CFAP57: variants seen among roughly 807,000 people sequenced by gnomAD.
CFAP57 encodes the protein cilia and flagella associated protein 57.
A neutral mutation model predicts 146.8 loss-of-function variants in CFAP57; 116 were observed. That is an observed-to-expected ratio of 0.79 (90% CI 0.68 to 0.92). The LOEUF (loss-of-function observed/expected upper bound fraction) is 0.92, where lower values mean the gene tolerates loss of function less well. CFAP57 is among the 40% of genes least tolerant of loss of function. CFAP57 has a pLI of 0.00. For missense variants in CFAP57, 1,377 were observed against 1,527.2 expected (o/e 0.90, Z 1.64); for synonymous variants, 518 against 552.8 (o/e 0.94, Z 0.88).
rs199746527 is a variant in CFAP57 at position 43,197,601 on chromosome 1, C to T, written c.1171C>T (p.Pro391Ser). Reference sequence around the variant, plus strand: ...TTTGATGTATCCATTGCACTCAGCACCCATCACCGGTCTAGCTACCTGCAT... The same window carrying T: ...TTTGATGTATCCATTGCACTCAGCATCCATCACCGGTCTAGCTACCTGCAT... ...EYLMYPLHSAPITGLATCIRK... is the reference protein window; with the variant it reads ...EYLMYPLHSASITGLATCIRK... The change falls in exon 7 of 23, where the codon CCC becomes TCC. Residue 391 changes from proline to serine, a missense_variant. Transcript: ENST00000372492. 38 of 1,614,112 alleles carry T rather than the reference C, an allele frequency of 2.4e-5. No homozygotes were observed. In the Admixed American group the frequency reaches 6.3e-4, roughly 27 times the overall value.
In CFAP57 at chr1:43,227,018, A is replaced by G. The variant is rs995524509; in HGVS notation, c.2901A>G (p.Gln967=). ...KRIYDLKKKN[Q]ELGKFKFVLD... ...TTTATGATCTGAAAAAGAAAAATCA[A>G]GAACTAGGGAAATTCAAGTTTGTGC... The change falls in exon 18 of 23, where the codon CAA becomes CAG. Residue 967 remains glutamine (Q), a synonymous_variant. Transcript: ENST00000372492. 1.8e-5 allele frequency: 27 copies of G among 1,526,358 alleles called. No homozygotes were observed. Among genetic ancestry groups the G allele is most frequent in the Admixed American group, 2.2e-5 (1 of 44,646 alleles). The allele number at this position is 1,526,358 out of a possible 1,614,324, so 94.6% of individuals were successfully genotyped here.
intron 14 of CFAP57, 28 bp from the exon 15 acceptor site, chr1:43,222,077 C>A: frequency 6.5e-7 from 1 of 1,532,128 alleles, no homozygotes; most frequent in Non-Finnish European, 8.8e-7. Context: ...GCTCTCCCAC[C>A]TTAAATACCA....
chr1:43,208,977 T>G (rs1007065779), intron 10 of CFAP57, among the ~76,000 whole-genome samples: 1 of 152,084 alleles, frequency 6.6e-6, no homozygotes, highest in Non-Finnish European at 1.5e-5. Context: ...AGTAAGATAT[T>G]TTGAGAGAGA....
chr1:43,227,255 C>T, intron 18 of CFAP57, 129 bp downstream of exon 18: 1 of 1,148,124 alleles, frequency 8.7e-7, no homozygotes, highest in Non-Finnish European at 1.2e-6. Context: ...GTGTGTGCAG[C>T]CTCCAGTCCA....
Position 43,183,827 on chromosome 1 carries a change from G to A in CFAP57, c.711G>A (p.Lys237=). The change falls in exon 4 of 23, where the codon AAG becomes AAA. Residue 237 remains lysine (K), a synonymous_variant. Transcript: ENST00000372492. ...DQRWETSIMV[K]EPTNGSKSLD... ...GTTGGGAGACCAGCATAATGGTCAA[G>A]GAACCTACCAATGGCTCAAAGAGCC... is the stretch of plus-strand genomic sequence containing the variant. 6.2e-7 allele frequency: 1 copy of A among 1,614,188 alleles called. No homozygotes were observed. Among genetic ancestry groups the A allele is most frequent in the Non-Finnish European group, 8.5e-7 (1 of 1,180,034 alleles).
intron 5 of CFAP57, among the ~76,000 whole-genome samples, chr1:43,186,116 C>T (rs1295889600): frequency 6.6e-6 from 1 of 151,558 alleles, no homozygotes. Context: ...GTGGTGTGCA[C>T]CTGTAGTCCC....
intron 11 of CFAP57, among the ~76,000 whole-genome samples, chr1:43,211,036 G>A (rs990965713): frequency 4.6e-5 from 7 of 151,860 alleles, no homozygotes; most frequent in Non-Finnish European, 8.8e-5. Flanking sequence ...TCTTTCTGCA[G>A]ATTGAATGAC....
intron 10 of CFAP57, 47 bp downstream of exon 10, chr1:43,206,979 G>A (rs1306509378): frequency 8.2e-6 from 13 of 1,589,710 alleles, no homozygotes; most frequent in African/African-American, 1.3e-5. Context: ...CGGATCTGCA[G>A]GGACAGCTTC....
At chr1:43,183,959 C>T in intron 4 of CFAP57, 82 bp downstream of exon 4, 1 of 1,552,538 alleles carries the variant, frequency 6.4e-7, no homozygotes. Flanking sequence ...TTAGAAACCA[C>T]TCATAACCCC....
chr1:43,199,281 C>T, intron 8 of CFAP57, 109 bp from the exon 9 acceptor site: 1 of 1,012,006 alleles, frequency 9.9e-7, no homozygotes, highest in Non-Finnish European at 1.6e-6. Flanking sequence ...CTCCCACCCT[C>T]ACACGTAGTT....
rs1557819436 is a variant in CFAP57 at position 43,234,269 on chromosome 1, CTGAT to C, written c.3127-7_3127-4del. Reference sequence around the variant, plus strand: ...CCTACAGCACCAGAAGGAAACGTCTCTGATTGCAGGAGCGAGACTTGGAAGCGCT... The same window carrying C: ...CCTACAGCACCAGAAGGAAACGTCTCTGCAGGAGCGAGACTTGGAAGCGCT... On this transcript the variant is annotated splice_polypyrimidine_tract_variant and splice_region_variant and intron_variant, in intron 19 of 22. Coordinates refer to ENST00000372492, the MANE Select transcript of CFAP57 (RefSeq NM_001378189.1). 2 of 1,542,284 alleles carry C rather than the reference CTGAT, an allele frequency of 1.3e-6. No individual in the cohort carries two copies. Among genetic ancestry groups the C allele is most frequent in the Non-Finnish European group, 1.7e-6 (2 of 1,142,904 alleles).
rs746480228 is a variant in CFAP57, at chr1:43,215,417, G to C, written c.2091+1G>C. On this transcript the variant is annotated splice_donor_variant, in intron 12 of 22. Coordinates refer to ENST00000372492, the MANE Select transcript of CFAP57 (RefSeq NM_001378189.1). LOFTEE classifies it high-confidence loss of function. ...GACTAAAACAGACATGGAAGAAAAG[G>C]TAAGAACTGGATCTAATGAAGAGGG... 5.8e-6 allele frequency: 9 copies of C among 1,550,338 alleles called. 1 individual carries two copies. The South Asian group carries it at 1.1e-4, about 18-fold the overall frequency.
chr1:43,184,587 C>T (rs549088913), intron 4 of CFAP57, among the ~76,000 whole-genome samples: 16 of 152,096 alleles, frequency 1.1e-4, no homozygotes, highest in Admixed American at 2.0e-4. Context: ...AAGATCATTC[C>T]GCTGATAAGT....
At chr1:43,248,438 C>T (rs1231204788) in intron 22 of CFAP57, among the ~76,000 whole-genome samples, 1 of 151,456 alleles carries the variant, frequency 6.6e-6, no homozygotes, top group African/African-American at 2.4e-5. Context: ...CTGCCTCAGC[C>T]TCCCTCGTAG....
intron 2 of CFAP57, among the ~76,000 whole-genome samples, chr1:43,173,193 C>CTGGTGG (rs1645044106): frequency 6.6e-6 from 1 of 152,226 alleles, no homozygotes; most frequent in Non-Finnish European, 1.5e-5. Context: ...TTCAATATCA[C>CTGGTGG]TGCCTTTGTC....
intron 21 of CFAP57, among the ~76,000 whole-genome samples, chr1:43,235,319 G>A (rs566377033): frequency 3.3e-5 from 5 of 152,246 alleles, no homozygotes; most frequent in African/African-American, 7.2e-5. Flanking sequence ...ACTGCCAGTC[G>A]GGATTCTTCT....
intron 18 of CFAP57, among the ~76,000 whole-genome samples, chr1:43,231,298 T>G (rs1367075284): frequency 6.6e-6 from 1 of 152,130 alleles, no homozygotes; most frequent in African/African-American, 2.4e-5. Context: ...GCCTTGAAAT[T>G]TGACCAAAGG....
At chr1:43,210,195 G>T (rs1256099546) in intron 11 of CFAP57, 2 of 1,529,302 alleles carry the variant, frequency 1.3e-6, no homozygotes, top group Admixed American at 4.0e-5. Flanking sequence ...GGTGGATGCC[G>T]TAGCTGCCGT....
chr1:43,184,278 G>A (rs1248695783), intron 4 of CFAP57, among the ~76,000 whole-genome samples: 4 of 152,152 alleles, frequency 2.6e-5, no homozygotes, highest in Non-Finnish European at 5.9e-5. Flanking sequence ...AGCAGGAGGC[G>A]ACAGACCAAC....
Sources: allele counts gnomAD v4.1 joint callset (sites outside exome capture counted in the v4.1 genomes callset), GRCh38; gene constraint gnomAD v4.1.1; transcripts MANE v1.5; gene names NCBI Gene and HGNC (gene_info 2026-07-23, HGNC 2026-07-21).